The following JAZF1 variants were observed in gnomAD, a reference collection of about 807,000 sequenced individuals.
The protein encoded by JAZF1 is juxtaposed with another zinc finger protein 1.
A neutral mutation model predicts 26.4 loss-of-function variants in JAZF1; 8 were observed. That is an observed-to-expected ratio of 0.30 (90% CI 0.18 to 0.55). The LOEUF (loss-of-function observed/expected upper bound fraction) is 0.55, where lower values mean the gene tolerates loss of function less well. Among genes scored for constraint, JAZF1 ranks in the 20% least tolerant of loss-of-function variants. The pLI is 0.94. For synonymous variants in JAZF1, 126 were observed against 122.3 expected (o/e 1.03, Z -0.20); for missense variants, 199 against 322.0 (o/e 0.62, Z 2.92).
intron 3 of JAZF1, among the ~76,000 whole-genome samples, chr7:27,886,013 T>C (rs555068752): frequency 3.3e-5 from 5 of 152,320 alleles, no homozygotes; most frequent in African/African-American, 1.2e-4. Flanking sequence ...ATTTCCACCA[T>C]TGACAGTCAA....
chr7:28,093,533 G>C (rs1211120586), intron 1 of JAZF1, among the ~76,000 whole-genome samples: 3 of 152,100 alleles, frequency 2.0e-5, no homozygotes, highest in Non-Finnish European at 4.4e-5. Context: ...ATTACTGATT[G>C]GATAACTTCA....
intron 1 of JAZF1, among the ~76,000 whole-genome samples, chr7:28,033,673 C>A (rs990393781): frequency 6.6e-6 from 1 of 152,166 alleles, no homozygotes; most frequent in South Asian, 2.1e-4. Flanking sequence ...AAATGACATG[C>A]ACCTCTTTCT....
chr7:28,151,104 T>C (rs1783105367), intron 1 of JAZF1, among the ~76,000 whole-genome samples: 1 of 98,072 alleles, frequency 1.0e-5, no homozygotes, highest in Non-Finnish European at 2.5e-5. Flanking sequence ...GATATATATA[T>C]ATATATATTT....
rs117960679 is a variant in JAZF1, at chr7:28,026,894, T to C, written c.116-34913A>G. On this transcript the variant is annotated intron_variant, in intron 1 of 4. Coordinates refer to ENST00000283928, the MANE Select transcript of JAZF1 (RefSeq NM_175061.4). ...CTTACTGCACCGCTTACCTCAGTTT[T>C]CCACTGCATCAGGTCAGAAACTTAT... 3.2e-3 allele frequency among the ~76,000 whole-genome samples: 495 copies of C among 152,368 alleles called. 3 individuals carry two copies. Among genetic ancestry groups the C allele is most frequent in the Middle Eastern group, 0.017 (5 of 294 alleles).
chr7:27,980,847 C>G (rs1357784595), intron 2 of JAZF1, among the ~76,000 whole-genome samples: 1 of 152,130 alleles, frequency 6.6e-6, no homozygotes, highest in Admixed American at 6.5e-5. Context: ...CTGGCTTCAT[C>G]TGAATTTTGA....
At chr7:27,849,036 A>T (rs1783080866) in intron 3 of JAZF1, among the ~76,000 whole-genome samples, 1 of 152,186 alleles carries the variant, frequency 6.6e-6, no homozygotes, top group Admixed American at 6.5e-5. Flanking sequence ...TGGGAGGGTA[A>T]GGGATGTGCC....
At chr7:28,132,815 A>G (rs1782818035) in intron 1 of JAZF1, among the ~76,000 whole-genome samples, 1 of 152,224 alleles carries the variant, frequency 6.6e-6, no homozygotes, top group South Asian at 2.1e-4. Flanking sequence ...TTTACAAACA[A>G]TTGATAAATA....
intron 2 of JAZF1, among the ~76,000 whole-genome samples, chr7:27,957,807 C>T (rs1471580314): frequency 6.6e-6 from 1 of 152,142 alleles, no homozygotes; most frequent in Non-Finnish European, 1.5e-5. Flanking sequence ...TAATAAGAAA[C>T]CCCAATTAGT....
In JAZF1 at chr7:27,832,650, C is replaced by T. The variant is rs568525406; in HGVS notation, c.*150G>A. 2 of 570,934 alleles carry T rather than the reference C, an allele frequency of 3.5e-6. No homozygotes were observed. Among genetic ancestry groups the T allele is most frequent in the African/African-American group, 1.9e-5 (1 of 53,666 alleles). 35.4% of individuals were successfully genotyped at this position (570,934 alleles called of 1,614,324 possible). ...CAAAATCATTAACTCTACAAAGATA[C>T]ATCATTCCAAAATTACAGAAAAAAT... On this transcript the variant is annotated 3_prime_UTR_variant, in exon 5 of 5. Coordinates refer to ENST00000283928, the MANE Select transcript of JAZF1 (RefSeq NM_175061.4).
intron 1 of JAZF1, among the ~76,000 whole-genome samples, chr7:28,096,407 TGTC>T (rs1458091684): frequency 6.6e-6 from 1 of 152,250 alleles, no homozygotes; most frequent in African/African-American, 2.4e-5. Flanking sequence ...ACCTTTCCCT[TGTC>T]ATAAAAATAA....
chr7:28,174,683 C>T (rs1442301656), intron 1 of JAZF1, among the ~76,000 whole-genome samples: 1 of 126,696 alleles, frequency 7.9e-6, no homozygotes, highest in East Asian at 1.9e-4. Flanking sequence ...GGATGTTCAA[C>T]AGTGATGTTT....
chr7:28,110,987 C>T (rs1407533936), intron 1 of JAZF1, among the ~76,000 whole-genome samples: 1 of 152,144 alleles, frequency 6.6e-6, no homozygotes, highest in Non-Finnish European at 1.5e-5. Context: ...GGGGAAAATG[C>T]TTGCAATCTG....
At chr7:27,962,198 C>A (rs1432179429) in intron 2 of JAZF1, among the ~76,000 whole-genome samples, 1 of 152,086 alleles carries the variant, frequency 6.6e-6, no homozygotes, top group African/African-American at 2.4e-5. Context: ...AAAAACAAGA[C>A]TAACTGTACA....
Position 27,889,784 on chromosome 7 carries a change from T to A in JAZF1, c.385+5436A>T, listed in dbSNP as rs539261398. Among the ~76,000 whole-genome samples, 461 of 152,196 alleles carry A rather than the reference T, an allele frequency of 3.0e-3. 1 individual carries two copies. Among genetic ancestry groups the A allele is most frequent in the African/African-American group, 1.0e-2 (415 of 41,540 alleles). On this transcript the variant is annotated intron_variant, in intron 3 of 4. Coordinates refer to ENST00000283928, the MANE Select transcript of JAZF1 (RefSeq NM_175061.4). The stretch of plus-strand genomic sequence containing the variant: ...CCACCTCTACTAAAAATACAAAAAT[T>A]AGCTGGGTGGTGTTGATGCGCACCT...
chr7:28,143,665 T>C (rs574335531), intron 1 of JAZF1, among the ~76,000 whole-genome samples: 1 of 152,320 alleles, frequency 6.6e-6, no homozygotes, highest in African/African-American at 2.4e-5. Context: ...CTACGCCCAG[T>C]CTTTGGAGCT....
chr7:28,108,599 C>T (rs1434444185), intron 1 of JAZF1, among the ~76,000 whole-genome samples: 1 of 152,142 alleles, frequency 6.6e-6, no homozygotes. Flanking sequence ...GCACTGTTGG[C>T]AGGAATGTAA....
chr7:28,082,995 C>T (rs912452210), intron 1 of JAZF1, among the ~76,000 whole-genome samples: 2 of 152,220 alleles, frequency 1.3e-5, no homozygotes, highest in Non-Finnish European at 2.9e-5. Context: ...CCACTGAGTG[C>T]TCTGGCCTGT....
At chr7:28,151,311 C>T (rs1269416525) in intron 1 of JAZF1, among the ~76,000 whole-genome samples, 1 of 151,770 alleles carries the variant, frequency 6.6e-6, no homozygotes, top group East Asian at 2.0e-4. Context: ...CACCATGTTG[C>T]CCAGGCTGGT....
intron 2 of JAZF1, among the ~76,000 whole-genome samples, chr7:27,963,570 T>G (rs1319387216): frequency 3.1e-5 from 1 of 32,782 alleles, no homozygotes; most frequent in African/African-American, 1.7e-4. Context: ...CCCCCCCCCC[T>G]TTTTTTTTGG....
Sources: gnomAD v4.1 joint callset for allele counts (sites outside exome capture counted in the v4.1 genomes callset) on GRCh38, gnomAD v4.1.1 for gene constraint, MANE v1.5 for transcripts, NCBI Gene and HGNC (gene_info 2026-07-23, HGNC 2026-07-21) for gene names.